CBX1: variants seen among roughly 807,000 people sequenced by gnomAD.
CBX1 encodes the protein chromobox protein homolog 1.
Under a neutral mutation model 25.1 loss-of-function variants are expected in CBX1, and 10 were observed. The ratio of observed to expected loss-of-function variants is 0.40; its 90% CI spans 0.25 to 0.68. The LOEUF is 0.68. Among genes scored for constraint, CBX1 ranks in the 30% least tolerant of loss-of-function variants. CBX1 has a pLI of 0.40. For synonymous variants in CBX1, 63 were observed against 79.4 expected (o/e 0.79, Z 1.10); for missense variants, 106 against 218.5 (o/e 0.49, Z 3.25).
At chr17:48,099,748 T>G (rs2063397457) in intron 1 of CBX1, among the ~76,000 whole-genome samples, 1 of 152,206 alleles carries the variant, frequency 6.6e-6, no homozygotes, top group African/African-American at 2.4e-5. Context: ...TAACTGATTA[T>G]AGCTGAACTT....
chr17:48,084,648 C>T (rs1249472914), intron 1 of CBX1, among the ~76,000 whole-genome samples: 11 of 149,538 alleles, frequency 7.4e-5, no homozygotes, highest in African/African-American at 2.0e-4. Flanking sequence ...TGGTGGCTCA[C>T]GCCTGTAATC....
At chr17:48,082,501 C>CAA (rs572999255) in intron 1 of CBX1, among the ~76,000 whole-genome samples, 667 of 53,176 alleles carry the variant, frequency 0.013, 6 homozygotes, top group South Asian at 0.038. Context: ...GACTCCATCT[C>CAA]AAAAAAAAAA....
chr17:48,096,486 C>A, intron 1 of CBX1: 1 of 515,304 alleles, frequency 1.9e-6, no homozygotes, highest in Non-Finnish European at 2.5e-6. Context: ...CAGAACACCA[C>A]AGTGGCCAGG....
At chr17:48,073,396 T>TC (rs2037643961) in intron 4 of CBX1, among the ~76,000 whole-genome samples, 1 of 152,166 alleles carries the variant, frequency 6.6e-6, no homozygotes, top group Non-Finnish European at 1.5e-5. Context: ...AACAACACCC[T>TC]CTGAGTTAAA....
At chr17:48,090,761 C>T (rs2063340202) in intron 1 of CBX1, among the ~76,000 whole-genome samples, 1 of 152,224 alleles carries the variant, frequency 6.6e-6, no homozygotes, top group Admixed American at 6.5e-5. Flanking sequence ...AGAATTCCTT[C>T]CCTAGAGCCC....
intron 1 of CBX1, among the ~76,000 whole-genome samples, chr17:48,078,918 T>G (rs146370698): frequency 0.016 from 2,325 of 148,938 alleles, 69 homozygotes; most frequent in African/African-American, 0.055. Context: ...GCCTCCTGAG[T>G]AGCTGGGACT....
At chr17:48,075,362 T>A (rs2037665084) in intron 3 of CBX1, among the ~76,000 whole-genome samples, 1 of 152,036 alleles carries the variant, frequency 6.6e-6, no homozygotes, top group Non-Finnish European at 1.5e-5. Context: ...GTCAGCTAAT[T>A]TTTTGTATTT....
rs962994784 is a variant in CBX1 at position 48,101,473 on chromosome 17, G to C, written c.-243C>G. ...AGCCTCGCAGTCTGCGCTGCCCGCC[G>C]CTCGCACCGCGCAGGCGCAACGACC... On this transcript the variant is annotated 5_prime_UTR_variant, in exon 1 of 5. Transcript: ENST00000225603. 19 of 985,648 alleles carry C rather than the reference G, an allele frequency of 1.9e-5. No homozygotes were observed. In the Admixed American group the frequency reaches 5.5e-4, roughly 29 times the overall value. The allele number at this position is 985,648 out of a possible 1,614,324, so 61.1% of individuals were successfully genotyped here. A position where few individuals can be genotyped will look rare whatever the true frequency, so the allele number is the denominator to read the frequency against.
chr17:48,090,908 CTTA>C (rs2063340765), intron 1 of CBX1, among the ~76,000 whole-genome samples: 1 of 152,218 alleles, frequency 6.6e-6, no homozygotes, highest in South Asian at 2.1e-4. Context: ...TCTCTTAGAC[CTTA>C]TTATTCTAGT....
At chr17:48,100,599 TC>T in intron 1 of CBX1, 1 of 483,682 alleles carries the variant, frequency 2.1e-6, no homozygotes, top group Non-Finnish European at 2.7e-6. Context: ...TCCCCTTTTT[TC>T]TTACATACCT....
rs1325192210 is a variant in CBX1, at chr17:48,070,374, C to T, written c.*1061G>A. The T allele has an allele frequency of 6.6e-6, 1 of 152,464 alleles. No homozygotes were observed. The highest frequency in any genetic ancestry group is 1.5e-5 in the Non-Finnish European group (1 of 68,000). 9.4% of individuals were successfully genotyped at this position (152,464 alleles called of 1,614,324 possible). A position where few individuals can be genotyped will look rare whatever the true frequency, so the allele number is the denominator to read the frequency against. ...TTTTGAAATCACTAAACTCTTGGAT[C>T]AATTCAGTGAAACTTGTGCTGTCAG... On this transcript the variant is annotated 3_prime_UTR_variant, in exon 5 of 5. Transcript: ENST00000225603.
At chr17:48,074,142 A>C (rs2037652763) in intron 4 of CBX1, among the ~76,000 whole-genome samples, 1 of 152,162 alleles carries the variant, frequency 6.6e-6, no homozygotes. Flanking sequence ...CTCCAGCCAT[A>C]CTGTAAAAGA....
chr17:48,077,256 C>CTT (rs57789313), intron 1 of CBX1, among the ~76,000 whole-genome samples: 4,877 of 141,622 alleles, frequency 0.034, 295 homozygotes, highest in African/African-American at 0.12. Context: ...TTACAGCAAA[C>CTT]TTTTTTTTTT....
chr17:48,090,096 G>C (rs1346045453), intron 1 of CBX1, among the ~76,000 whole-genome samples: 3 of 151,832 alleles, frequency 2.0e-5, no homozygotes, highest in South Asian at 2.1e-4. Flanking sequence ...AGTAGAGATG[G>C]AGTTTCATCA....
At chr17:48,096,363 A>G in intron 1 of CBX1, 2 of 985,318 alleles carry the variant, frequency 2.0e-6, no homozygotes, top group Non-Finnish European at 2.4e-6. Context: ...AAGAGTCTAC[A>G]AATGTTAGTA....
intron 1 of CBX1, among the ~76,000 whole-genome samples, chr17:48,091,172 T>C (rs1960595532): frequency 6.6e-6 from 1 of 152,196 alleles, no homozygotes; most frequent in African/African-American, 2.4e-5. Context: ...AAAAGAAACA[T>C]GGCCAGGTGG....
At chr17:48,094,951 G>A (rs1268369494) in intron 1 of CBX1, among the ~76,000 whole-genome samples, 1 of 151,516 alleles carries the variant, frequency 6.6e-6, no homozygotes, top group Non-Finnish European at 1.5e-5. Context: ...GGAGGGTGGG[G>A]CACAAGAATT....
chr17:48,077,081 C>T, intron 1 of CBX1, 40 bp from the exon 2 acceptor site: 1 of 1,484,020 alleles, frequency 6.7e-7, no homozygotes, highest in Non-Finnish European at 9.1e-7. Flanking sequence ...TTAGGGAGCA[C>T]TCTTATTGGT....
chr17:48,076,215 CA>C, intron 2 of CBX1, 37 bp from the exon 3 acceptor site: 1 of 1,471,226 alleles, frequency 6.8e-7, no homozygotes, highest in Non-Finnish European at 9.2e-7. Context: ...CACTTTCACT[CA>C]AATAAGTATA....
Sources: allele counts gnomAD v4.1 joint callset (sites outside exome capture counted in the v4.1 genomes callset), GRCh38; gene constraint gnomAD v4.1.1; transcripts MANE v1.5; gene names NCBI Gene and HGNC (gene_info 2026-07-23, HGNC 2026-07-21).